DNAJC3: variants seen among roughly 807,000 people sequenced by gnomAD.
DNAJC3 encodes the protein dnaJ homolog subfamily C member 3.
Under a neutral mutation model 68.6 loss-of-function variants are expected in DNAJC3, and 38 were observed. That is an observed-to-expected ratio of 0.55 (90% confidence interval 0.43 to 0.73). The LOEUF (loss-of-function observed/expected upper bound fraction) is 0.73, where lower values mean the gene tolerates loss of function less well. Ranked by LOEUF, DNAJC3 falls within the 30% of genes least tolerant of loss-of-function variation. DNAJC3 has a pLI of 0.00. For missense variants in DNAJC3, 526 were observed against 591.9 expected (o/e 0.89, Z 1.16); for synonymous variants, 203 against 204.0 (o/e 1.00, Z 0.04).
chr13:95,677,507 T>TG (rs1879791234), intron 1 of DNAJC3, among the ~76,000 whole-genome samples, 170 bp downstream of exon 1: 1 of 152,042 alleles, frequency 6.6e-6, no homozygotes, highest in African/African-American at 2.4e-5. Flanking sequence ...CGGGTTTGTC[T>TG]GGGGAAGAAT....
At chr13:95,787,824 C>T (rs1461083338) in intron 11 of DNAJC3, among the ~76,000 whole-genome samples, 1 of 152,044 alleles carries the variant, frequency 6.6e-6, no homozygotes, top group Admixed American at 6.6e-5. Flanking sequence ...TTTTGCCATA[C>T]AGTAATATGG....
chr13:95,750,732 A>T (rs932404176), intron 4 of DNAJC3, among the ~76,000 whole-genome samples: 2 of 152,018 alleles, frequency 1.3e-5, no homozygotes, highest in South Asian at 4.1e-4. Context: ...GCTGGTCTCA[A>T]ACTCCTGGCC....
chr13:95,700,693 C>G (rs1880559780), intron 1 of DNAJC3, among the ~76,000 whole-genome samples: 1 of 152,166 alleles, frequency 6.6e-6, no homozygotes, highest in Non-Finnish European at 1.5e-5. Flanking sequence ...CAGTAAGTTG[C>G]TTTGGGTATC....
intron 4 of DNAJC3, among the ~76,000 whole-genome samples, chr13:95,728,822 G>A (rs938353238): frequency 3.9e-5 from 6 of 152,010 alleles, no homozygotes; most frequent in Non-Finnish European, 5.9e-5. Flanking sequence ...AACATTTCAC[G>A]TTCTCCCAGC....
intron 4 of DNAJC3, among the ~76,000 whole-genome samples, chr13:95,730,993 G>A (rs1229690562): frequency 6.6e-6 from 1 of 152,020 alleles, no homozygotes; most frequent in Non-Finnish European, 1.5e-5. Flanking sequence ...TCAGTATTTT[G>A]TAGTTTTCTT....
intron 4 of DNAJC3, among the ~76,000 whole-genome samples, chr13:95,730,582 T>A (rs899532954): frequency 6.6e-6 from 1 of 152,190 alleles, no homozygotes; most frequent in African/African-American, 2.4e-5. Flanking sequence ...CTCTCCCCAA[T>A]GTATGTTCTC....
At chr13:95,690,826 G>T (rs1880220306) in intron 1 of DNAJC3, among the ~76,000 whole-genome samples, 1 of 143,090 alleles carries the variant, frequency 7.0e-6, no homozygotes. Flanking sequence ...CGGGGCAGCT[G>T]GCCGGGCAGA....
intron 9 of DNAJC3, among the ~76,000 whole-genome samples, chr13:95,774,535 T>A (rs752021768): frequency 2.0e-5 from 3 of 152,198 alleles, no homozygotes; most frequent in Non-Finnish European, 4.4e-5. Context: ...TTTGTTAGTT[T>A]TTCCATCAGG....
intron 1 of DNAJC3, among the ~76,000 whole-genome samples, chr13:95,683,846 T>C (rs1050545274): frequency 1.3e-5 from 2 of 149,826 alleles, no homozygotes; most frequent in African/African-American, 4.9e-5. Flanking sequence ...AGGCAGAGAA[T>C]TGCTTAAACC....
chr13:95,740,589 C>T (rs1882103796), intron 4 of DNAJC3, among the ~76,000 whole-genome samples: 1 of 152,256 alleles, frequency 6.6e-6, no homozygotes, highest in East Asian at 1.9e-4. Context: ...TGCTGTCCGT[C>T]ACCCCTTTCT....
chr13:95,765,470 G>A (rs1490941759), intron 9 of DNAJC3, among the ~76,000 whole-genome samples: 2 of 151,196 alleles, frequency 1.3e-5, no homozygotes, highest in African/African-American at 4.9e-5. Context: ...AGATGCATTT[G>A]GAACTTGAAT....
At chr13:95,749,914 GT>G (rs1177853247) in intron 4 of DNAJC3, among the ~76,000 whole-genome samples, 5 of 152,164 alleles carry the variant, frequency 3.3e-5, no homozygotes, top group Non-Finnish European at 2.9e-5. Context: ...GCTGGGCGTG[GT>G]GGCCCATGCC....
chr13:95,785,309 G>A (rs763332778), intron 9 of DNAJC3, among the ~76,000 whole-genome samples: 6 of 152,056 alleles, frequency 3.9e-5, no homozygotes, highest in Non-Finnish European at 8.8e-5. Flanking sequence ...AGATTGCTCT[G>A]GATAAAGTGC....
At chr13:95,742,260 TG>T (rs989203129) in intron 4 of DNAJC3, among the ~76,000 whole-genome samples, 1 of 151,994 alleles carries the variant, frequency 6.6e-6, no homozygotes, top group Non-Finnish European at 1.5e-5. Context: ...CATCTGCAGG[TG>T]GGGGATGTCA....
chr13:95,707,287 C>CT (rs1880786914), intron 1 of DNAJC3, among the ~76,000 whole-genome samples: 1 of 152,178 alleles, frequency 6.6e-6, no homozygotes, highest in Admixed American at 6.5e-5. Context: ...AGGCCATGGA[C>CT]TGGTACTGGT....
rs147901327 is a variant in DNAJC3, at chr13:95,792,683, G to A, written c.*1653G>A. 6.6e-6 allele frequency: 1 copy of A among 152,102 alleles called. No individual in the cohort carries two copies. Among genetic ancestry groups the A allele is most frequent in the African/African-American group, 2.4e-5 (1 of 41,420 alleles). The allele number at this position is 152,102 out of a possible 1,614,324, so 9.4% of individuals were successfully genotyped here. ...ATTTCTTACCAATAAACTTGACAAC[G>A]CATTTGGAAAACTAGTGAACACCTT... On this transcript the variant is annotated 3_prime_UTR_variant, in exon 12 of 12. Coordinates refer to ENST00000602402, the MANE Select transcript of DNAJC3 (RefSeq NM_006260.5).
chr13:95,738,444 A>C (rs1274655312), intron 4 of DNAJC3, among the ~76,000 whole-genome samples: 3 of 149,374 alleles, frequency 2.0e-5, no homozygotes, highest in Admixed American at 1.3e-4. Flanking sequence ...CCCATTATTA[A>C]TGTGTGGGAG....
At chr13:95,724,722 T>C (rs1327644826) in intron 3 of DNAJC3, among the ~76,000 whole-genome samples, 2 of 152,224 alleles carry the variant, frequency 1.3e-5, no homozygotes, top group African/African-American at 4.8e-5. Context: ...TTTCATATAA[T>C]GTAACATCGT....
chr13:95,778,812 T>A (rs1883356081), intron 9 of DNAJC3, among the ~76,000 whole-genome samples: 1 of 152,254 alleles, frequency 6.6e-6, no homozygotes, highest in African/African-American at 2.4e-5. Context: ...GAAATTTTGT[T>A]CTGCCAATTT....
Sources: allele counts gnomAD v4.1 joint callset (sites outside exome capture counted in the v4.1 genomes callset), GRCh38; gene constraint gnomAD v4.1.1; transcripts MANE v1.5; gene names NCBI Gene and HGNC (gene_info 2026-07-23, HGNC 2026-07-21).